Variants in KLHL13 observed in about 807,000 individuals in gnomAD.
The protein encoded by KLHL13 is kelch like family member 13.
KLHL13 carries 10 observed loss-of-function variants against 37.1 expected under a neutral mutation model. The ratio of observed to expected loss-of-function variants is 0.27; its 90% confidence interval spans 0.17 to 0.46. KLHL13 has a LOEUF of 0.46. Among genes scored for constraint, KLHL13 ranks in the 20% least tolerant of loss-of-function variants. The pLI is 1.00. For synonymous variants in KLHL13, 163 were observed against 181.2 expected (o/e 0.90, Z 0.81); for missense variants, 360 against 509.3 (o/e 0.71, Z 2.82).
chrX:117,937,313 A>G, intron 2 of KLHL13, among the ~76,000 whole-genome samples: 1 of 111,818 alleles, frequency 8.9e-6, no homozygotes, highest in East Asian at 2.8e-4. Flanking sequence ...ATAGCAACAT[A>G]GAGTGGTATC....
At chrX:118,007,364 C>G (rs1411868669) in intron 1 of KLHL13, among the ~76,000 whole-genome samples, 7 of 87,794 alleles carry the variant, frequency 8.0e-5, no homozygotes, top group African/African-American at 2.8e-4. Flanking sequence ...CAGAAGGAGA[C>G]CCTGTCAAAA....
At chrX:118,089,614 A>G (rs1012395546) in intron 1 of KLHL13, among the ~76,000 whole-genome samples, 188 of 57,509 alleles carry the variant, frequency 3.3e-3, no homozygotes, top group Non-Finnish European at 4.4e-3. Context: ...GAGAGAGAGA[A>G]AGAAAGAGAA....
chrX:118,104,378 T>C (rs754935453), intron 1 of KLHL13, among the ~76,000 whole-genome samples: 2 of 111,881 alleles, frequency 1.8e-5, no homozygotes, highest in Non-Finnish European at 3.8e-5. Context: ...TGTATACACA[T>C]AAAATTTCTC....
intron 1 of KLHL13, among the ~76,000 whole-genome samples, chrX:117,995,713 A>G (rs2053847321): frequency 8.9e-6 from 1 of 111,780 alleles, no homozygotes; most frequent in Admixed American, 9.5e-5. Context: ...CTATGGATTT[A>G]TCTATTTTAG....
chrX:118,057,384 C>T (rs150949209), intron 1 of KLHL13, among the ~76,000 whole-genome samples: 1 of 112,122 alleles, frequency 8.9e-6, no homozygotes, highest in African/African-American at 3.2e-5. Context: ...CTGTTAAGAG[C>T]TAAAACTCTT....
At chrX:118,099,883 G>A (rs1304718701) in intron 1 of KLHL13, among the ~76,000 whole-genome samples, 1 of 101,418 alleles carries the variant, frequency 9.9e-6, no homozygotes. Context: ...AAGAAGAAAG[G>A]AAGGAAGGAA....
chrX:118,094,772 T>G (rs1411197589), intron 1 of KLHL13, among the ~76,000 whole-genome samples: 2 of 111,231 alleles, frequency 1.8e-5, no homozygotes, highest in African/African-American at 3.3e-5. Context: ...AACCCAGAAT[T>G]TCATATCCAG....
At position 118,065,181 on chromosome X, in the gene KLHL13, AGTCATCCTTTGATGTCAGT is replaced by A. The variant is rs1318317688; in HGVS notation, c.-56+51308_-56+51326del. Among the ~76,000 whole-genome samples the A allele has an allele frequency of 2.7e-5, 3 of 112,058 alleles. No individual in the cohort carries two copies. The Admixed American group carries it at 2.9e-4, about 11-fold the overall frequency. On this transcript the variant is annotated intron_variant, in intron 1 of 6. Coordinates refer to the KLHL13 transcript ENST00000371882. ...TTTAACATGAAAGTAATAAAAGAAT[AGTCATCCTTTGATGTCAGT>A]GTGACTTTTCTAGTTTTGTAATCCT...
At chrX:117,966,278 C>A (rs761364844) in intron 1 of KLHL13, among the ~76,000 whole-genome samples, 1 of 111,469 alleles carries the variant, frequency 9.0e-6, no homozygotes, top group South Asian at 3.8e-4. Context: ...AGAAAACAGA[C>A]AGCCAAATCA....
At chrX:118,035,534 A>C (rs900025874) in intron 1 of KLHL13, among the ~76,000 whole-genome samples, 4 of 109,101 alleles carry the variant, frequency 3.7e-5, no homozygotes, top group African/African-American at 1.4e-4. Context: ...CTTTGACAAA[A>C]TTCAACAACC....
chrX:117,983,870 G>A (rs2053693593), intron 1 of KLHL13, among the ~76,000 whole-genome samples: 1 of 111,322 alleles, frequency 9.0e-6, no homozygotes, highest in Admixed American at 9.6e-5. Context: ...GACACAAGGA[G>A]ACACTTTTCC....
intron 4 of KLHL13, chrX:117,914,382 A>T (rs752659826): frequency 1.8e-5 from 2 of 111,407 alleles, no homozygotes; most frequent in Non-Finnish European, 3.8e-5. Flanking sequence ...AAATGCAAAG[A>T]CTAAGAAATC....
exon 7 of KLHL13, chrX:117,898,950 G>C (rs1160128524): frequency 3.3e-6 from 4 of 1,207,943 alleles, no homozygotes; most frequent in Non-Finnish European, 4.5e-6. Context: ...GTGATGGTGT[G>C]GTTTCTTCTG....
At chrX:118,115,588 A>C (rs2055459340) in intron 1 of KLHL13, among the ~76,000 whole-genome samples, 1 of 112,360 alleles carries the variant, frequency 8.9e-6, no homozygotes, top group Non-Finnish European at 1.9e-5. Context: ...TGCTAACTTG[A>C]GCGACTTTAT....
chrX:117,989,642 C>T (rs762089832), intron 1 of KLHL13, among the ~76,000 whole-genome samples: 3 of 111,015 alleles, frequency 2.7e-5, no homozygotes, highest in African/African-American at 9.8e-5. Flanking sequence ...TCTCTTTCAT[C>T]TAGTAATTAG....
At chrX:118,017,160 G>A (rs1259939991) in intron 1 of KLHL13, among the ~76,000 whole-genome samples, 2 of 111,271 alleles carry the variant, frequency 1.8e-5, no homozygotes, top group Non-Finnish European at 3.8e-5. Context: ...TGCAGTCTGT[G>A]AAGTATGTAA....
chrX:117,923,364 T>C (rs1284726294), intron 2 of KLHL13, among the ~76,000 whole-genome samples: 1 of 112,348 alleles, frequency 8.9e-6, no homozygotes, highest in East Asian at 2.8e-4. Flanking sequence ...ACTAATGAGA[T>C]GAGTCTAGGT....
At chrX:117,905,499 G>T (rs765693597) in intron 5 of KLHL13, among the ~76,000 whole-genome samples, 1 of 98,647 alleles carries the variant, frequency 1.0e-5, no homozygotes, top group African/African-American at 4.4e-5. Context: ...ACGTGTGCTA[G>T]TGCGTGCACA....
At chrX:118,019,285 G>A (rs1201677967) in intron 1 of KLHL13, among the ~76,000 whole-genome samples, 1 of 111,366 alleles carries the variant, frequency 9.0e-6, no homozygotes, top group Non-Finnish European at 1.9e-5. Context: ...CTGCATAAAT[G>A]TCTTCTTTTG....
Sources: gnomAD v4.1 joint callset for allele counts (sites outside exome capture counted in the v4.1 genomes callset) on GRCh38, gnomAD v4.1.1 for gene constraint, MANE v1.5 for transcripts, NCBI Gene and HGNC (gene_info 2026-07-23, HGNC 2026-07-21) for gene names.